GSG1L: variants seen among roughly 807,000 people sequenced by gnomAD.
GSG1L encodes GSG1 like, also known as germ cell-specific gene 1-like protein.
A neutral mutation model predicts 42.1 loss-of-function variants in GSG1L; 24 were observed. The observed-to-expected ratio is 0.57, with a 90% CI of 0.41 to 0.80. GSG1L has a LOEUF of 0.80. Among genes scored for constraint, GSG1L ranks in the 30% least tolerant of loss-of-function variants. The pLI is 0.00. For synonymous variants in GSG1L, 215 were observed against 203.5 expected (o/e 1.06, Z -0.48); for missense variants, 445 against 472.2 (o/e 0.94, Z 0.53).
intron 2 of GSG1L, among the ~76,000 whole-genome samples, chr16:27,913,015 G>T (rs1036117739): frequency 3.3e-5 from 5 of 151,880 alleles, no homozygotes; most frequent in African/African-American, 4.8e-5. Context: ...TGGAGACAGG[G>T]TCTCACCATG....
At chr16:27,797,821 C>CAAAAAAAAAA (rs59207468) in intron 6 of GSG1L, among the ~76,000 whole-genome samples, 1 of 77,218 alleles carries the variant, frequency 1.3e-5, no homozygotes, top group Non-Finnish European at 2.4e-5. Flanking sequence ...GACTCCATCT[C>CAAAAAAAAAA]AAAAAAAAAA....
At chr16:27,825,111 G>T (rs2083194860) in intron 5 of GSG1L, among the ~76,000 whole-genome samples, 2 of 152,184 alleles carry the variant, frequency 1.3e-5, no homozygotes, top group South Asian at 4.1e-4. Flanking sequence ...TGGCATGGAA[G>T]TGCTGGGGCA....
intron 2 of GSG1L, among the ~76,000 whole-genome samples, chr16:27,941,539 G>T (rs2084795363): frequency 7.2e-6 from 1 of 138,576 alleles, no homozygotes; most frequent in Admixed American, 7.7e-5. Context: ...CGGCATGGTG[G>T]CAGGTGCCTA....
At chr16:27,819,896 G>T (rs563278419) in intron 5 of GSG1L, among the ~76,000 whole-genome samples, 1 of 152,260 alleles carries the variant, frequency 6.6e-6, no homozygotes, top group South Asian at 2.1e-4. Flanking sequence ...CATGAAGAAA[G>T]TTGCTGGATT....
chr16:27,869,677 T>TC, intron 3 of GSG1L, among the ~76,000 whole-genome samples: 1 of 120,292 alleles, frequency 8.3e-6, no homozygotes, highest in East Asian at 2.9e-4. Flanking sequence ...CTCTCTCTCC[T>TC]TCTCTCTCTG....
At chr16:28,017,837 A>G (rs1174273502) in intron 1 of GSG1L, among the ~76,000 whole-genome samples, 1 of 152,188 alleles carries the variant, frequency 6.6e-6, no homozygotes, top group Non-Finnish European at 1.5e-5. Context: ...GAATGGCAGA[A>G]AGTGACTCAT....
chr16:28,033,756 G>C (rs1013729814), intron 1 of GSG1L, among the ~76,000 whole-genome samples: 2 of 152,216 alleles, frequency 1.3e-5, no homozygotes, highest in South Asian at 4.1e-4. Context: ...CTGTGGTTAA[G>C]ATGCAGTAGT....
chr16:27,987,088 G>T (rs1186863111), intron 1 of GSG1L, among the ~76,000 whole-genome samples: 1 of 151,930 alleles, frequency 6.6e-6, no homozygotes, highest in African/African-American at 2.4e-5. Context: ...AAGGTGGCAG[G>T]TGCCTGTAAT....
chr16:27,866,180 A>C (rs1266475689), intron 3 of GSG1L, among the ~76,000 whole-genome samples: 1 of 151,972 alleles, frequency 6.6e-6, no homozygotes, highest in Non-Finnish European at 1.5e-5. Context: ...ACACAGATAC[A>C]TTCTTCCCTT....
At chr16:27,858,997 G>A (rs1009918263) in intron 3 of GSG1L, among the ~76,000 whole-genome samples, 3 of 152,182 alleles carry the variant, frequency 2.0e-5, no homozygotes, top group African/African-American at 7.2e-5. Context: ...AGAGAATGGT[G>A]AGGCAGGAAG....
intron 5 of GSG1L, among the ~76,000 whole-genome samples, chr16:27,808,565 C>A (rs1053362981): frequency 6.6e-6 from 1 of 152,008 alleles, no homozygotes; most frequent in Non-Finnish European, 1.5e-5. Context: ...ATTACAGGTA[C>A]CTGCCACTGC....
At chr16:27,979,858 G>T (rs1567543178) in intron 1 of GSG1L, among the ~76,000 whole-genome samples, 7 of 150,510 alleles carry the variant, frequency 4.7e-5, no homozygotes. Flanking sequence ...GGAAGGAAAA[G>T]AGAAAGAAAG....
At chr16:27,953,937 T>C (rs2084978083) in intron 2 of GSG1L, among the ~76,000 whole-genome samples, 1 of 152,172 alleles carries the variant, frequency 6.6e-6, no homozygotes, top group African/African-American at 2.4e-5. Context: ...TGTCAAATAA[T>C]TGAATTTGGA....
intron 2 of GSG1L, among the ~76,000 whole-genome samples, chr16:27,956,384 A>G (rs62033514): frequency 0.15 from 23,425 of 152,234 alleles, 2,288 homozygotes; most frequent in Non-Finnish European, 0.22. Context: ...TGAGTCTCAC[A>G]CTCATGACCA....
chr16:27,926,870 C>T (rs2084599678), intron 2 of GSG1L, among the ~76,000 whole-genome samples: 1 of 152,064 alleles, frequency 6.6e-6, no homozygotes, highest in Non-Finnish European at 1.5e-5. Flanking sequence ...AATAACGGCC[C>T]AATTAATTAT....
chr16:27,867,010 G>T (rs941282284), intron 3 of GSG1L, among the ~76,000 whole-genome samples: 1 of 152,198 alleles, frequency 6.6e-6, no homozygotes, highest in African/African-American at 2.4e-5. Flanking sequence ...GTGCCTATTT[G>T]AAGGGGCAGA....
At chr16:27,829,120 C>G (rs577529977) in intron 4 of GSG1L, among the ~76,000 whole-genome samples, 164 bp from the exon 5 acceptor site, 1 of 152,280 alleles carries the variant, frequency 6.6e-6, no homozygotes, top group South Asian at 2.1e-4. Context: ...CTGCCCCACT[C>G]GCAGTCTGGG....
intron 2 of GSG1L, among the ~76,000 whole-genome samples, chr16:27,889,983 C>T (rs1286470852): frequency 6.6e-6 from 1 of 152,180 alleles, no homozygotes; most frequent in Non-Finnish European, 1.5e-5. Context: ...GCTCTATACA[C>T]CTAGGTAGTG....
chr16:27,937,532 A>G (rs1385221614), intron 2 of GSG1L, among the ~76,000 whole-genome samples: 1 of 152,110 alleles, frequency 6.6e-6, no homozygotes, highest in Non-Finnish European at 1.5e-5. Context: ...ATGAGCCACC[A>G]CGCCTGGCCC....
Sources: gnomAD v4.1 joint callset for allele counts (sites outside exome capture counted in the v4.1 genomes callset) on GRCh38, gnomAD v4.1.1 for gene constraint, MANE v1.5 for transcripts, NCBI Gene and HGNC (gene_info 2026-07-23, HGNC 2026-07-21) for gene names.